GTF2F2: variants seen among roughly 807,000 people sequenced by gnomAD.
GTF2F2 encodes general transcription factor IIF subunit 2.
In GTF2F2, 23 loss-of-function variants were observed where a neutral mutation model predicts 42.2. That is an observed-to-expected ratio of 0.55 (90% CI 0.39 to 0.77). The LOEUF is 0.77. Ranked by LOEUF, GTF2F2 falls within the 30% of genes least tolerant of loss-of-function variation. GTF2F2 has a pLI of 0.00. For synonymous variants in GTF2F2, 105 were observed against 100.8 expected, an observed-to-expected ratio of 1.04 and a Z score of -0.25; for missense variants, 261 against 287.2, an observed-to-expected ratio of 0.91 and a Z score of 0.66.
chr13:45,126,402 C>T (rs189945577), intron 1 of GTF2F2, among the ~76,000 whole-genome samples: 45 of 152,150 alleles, frequency 3.0e-4, no homozygotes, highest in Admixed American at 2.4e-3. Context: ...CAGGCGTGCA[C>T]CACGACTCCT....
At chr13:45,124,636 C>T (rs556656369) in intron 1 of GTF2F2, among the ~76,000 whole-genome samples, 9 of 152,062 alleles carry the variant, frequency 5.9e-5, no homozygotes, top group East Asian at 1.9e-4. Flanking sequence ...ACAATCTCAG[C>T]GCACTGTAAC....
At chr13:45,229,701 A>G (rs185983150) in intron 5 of GTF2F2, among the ~76,000 whole-genome samples, 10 of 152,268 alleles carry the variant, frequency 6.6e-5, no homozygotes, top group African/African-American at 2.4e-4. Flanking sequence ...ACCTGGCCAG[A>G]AGAAAAAATG....
intron 2 of GTF2F2, among the ~76,000 whole-genome samples, chr13:45,139,823 G>A (rs928185438): frequency 2.6e-5 from 4 of 152,100 alleles, no homozygotes; most frequent in African/African-American, 9.7e-5. Context: ...TCTAAAGTTA[G>A]GTGGGGACAA....
chr13:45,168,906 T>TCCCTC (rs145117805), intron 4 of GTF2F2, among the ~76,000 whole-genome samples: 11,791 of 87,236 alleles, frequency 0.14, 2,102 homozygotes, highest in Non-Finnish European at 0.17. Context: ...CCTCCCTCCC[T>TCCCTC]CCTCCTTCCT....
chr13:45,176,082 T>C (rs1871864871), intron 4 of GTF2F2, among the ~76,000 whole-genome samples: 1 of 152,242 alleles, frequency 6.6e-6, no homozygotes, highest in Non-Finnish European at 1.5e-5. Flanking sequence ...CCAGAGTATT[T>C]GTTTACTGCA....
intron 4 of GTF2F2, among the ~76,000 whole-genome samples, chr13:45,161,277 A>T (rs1178426795): frequency 6.6e-6 from 1 of 152,206 alleles, no homozygotes; most frequent in Non-Finnish European, 1.5e-5. Flanking sequence ...AAAGGTAATT[A>T]AATATTTTAA....
In GTF2F2 at chr13:45,186,110, G is replaced by A. The variant is rs553864813; in HGVS notation, c.305-21314G>A. 1.1e-3 allele frequency among the ~76,000 whole-genome samples: 162 copies of A among 151,798 alleles called. 1 individual carries two copies. The highest frequency in any genetic ancestry group is 2.1e-3 in the Non-Finnish European group (144 of 67,942). Reference sequence around the variant, plus strand: ...GTGCCTCAGCCTCCCGAGTAGCTGGGATTACAGGCATGCGCCACCATGCCC... The same window carrying A: ...GTGCCTCAGCCTCCCGAGTAGCTGGAATTACAGGCATGCGCCACCATGCCC... On this transcript the variant is annotated intron_variant, in intron 4 of 7. Coordinates refer to ENST00000340473, the MANE Select transcript of GTF2F2 (RefSeq NM_004128.3).
chr13:45,128,389 A>G (rs1869158803), intron 1 of GTF2F2, among the ~76,000 whole-genome samples: 1 of 148,998 alleles, frequency 6.7e-6, no homozygotes, highest in South Asian at 2.2e-4. Context: ...CCTGACCAAT[A>G]TGGTGAAACC....
chr13:45,181,630 A>G (rs1872171794), intron 4 of GTF2F2, among the ~76,000 whole-genome samples: 1 of 152,116 alleles, frequency 6.6e-6, no homozygotes, highest in Admixed American at 6.5e-5. Context: ...TAACCTGTGG[A>G]TGAGTCAGTA....
chr13:45,211,839 GC>G lies in GTF2F2; in HGVS notation c.386+4336del, dbSNP rs748128969. Among the ~76,000 whole-genome samples, 217 of 152,124 alleles carry G rather than the reference GC, an allele frequency of 1.4e-3. 2 individuals are homozygous for G. The highest frequency in any genetic ancestry group is 9.6e-4 in the Non-Finnish European group (65 of 68,010). On this transcript the variant is annotated intron_variant, in intron 5 of 7. Transcript: ENST00000340473. Reference sequence around the variant, plus strand: ...GACCTCAGGTGATCCGCCCACCTCGGCCTCCCAAAGTGCTGGGATTACAGGC... The same window carrying G: ...GACCTCAGGTGATCCGCCCACCTCGGCTCCCAAAGTGCTGGGATTACAGGC...
chr13:45,136,904 T>G, intron 2 of GTF2F2, 98 bp downstream of exon 2: 1 of 729,654 alleles, frequency 1.4e-6, no homozygotes, highest in Non-Finnish European at 2.4e-6. Flanking sequence ...AGAGTTTACT[T>G]GGAAAATGAC....
intron 1 of GTF2F2, among the ~76,000 whole-genome samples, chr13:45,126,661 C>G (rs573268585): frequency 7.0e-6 from 1 of 143,270 alleles, no homozygotes; most frequent in Non-Finnish European, 1.5e-5. Context: ...GTGAACAAAA[C>G]GGACATGGTA....
chr13:45,278,788 T>C (rs1239592446), intron 7 of GTF2F2, among the ~76,000 whole-genome samples: 1 of 151,626 alleles, frequency 6.6e-6, no homozygotes, highest in Non-Finnish European at 1.5e-5. Context: ...TATTTTCTGA[T>C]TACCTGCCAA....
intron 2 of GTF2F2, among the ~76,000 whole-genome samples, chr13:45,143,347 A>G (rs1870026171): frequency 6.6e-6 from 1 of 152,236 alleles, no homozygotes; most frequent in Non-Finnish European, 1.5e-5. Context: ...CATACTGGTT[A>G]TGAGTATGGA....
At chr13:45,206,991 T>C (rs1873438444) in intron 4 of GTF2F2, 1 of 134,426 alleles carries the variant, frequency 7.4e-6, no homozygotes, top group Non-Finnish European at 1.6e-5. Context: ...TTGAGAATTT[T>C]ATTCACATAC....
intron 6 of GTF2F2, among the ~76,000 whole-genome samples, chr13:45,254,953 G>T (rs1876038312): frequency 1.3e-5 from 2 of 152,002 alleles, no homozygotes; most frequent in African/African-American, 2.4e-5. Flanking sequence ...GATCACCTGA[G>T]GTCAGGAGTT....
intron 4 of GTF2F2, among the ~76,000 whole-genome samples, chr13:45,168,697 C>T (rs1871422413): frequency 6.6e-6 from 1 of 152,106 alleles, no homozygotes; most frequent in Non-Finnish European, 1.5e-5. Flanking sequence ...ATGGCACCCC[C>T]TACCTCTGGG....
Position 45,186,099 on chromosome 13 carries a change from C to T in GTF2F2, c.305-21325C>T, listed in dbSNP as rs572575662. Among the ~76,000 whole-genome samples, 293 of 151,850 alleles carry T rather than the reference C, an allele frequency of 1.9e-3. 3 individuals carry two copies. The highest frequency in any genetic ancestry group is 2.8e-3 in the Non-Finnish European group (190 of 67,932). Reference sequence around the variant, plus strand: ...AAACGATTCTTGTGCCTCAGCCTCCCGAGTAGCTGGGATTACAGGCATGCG... The same window carrying T: ...AAACGATTCTTGTGCCTCAGCCTCCTGAGTAGCTGGGATTACAGGCATGCG... On this transcript the variant is annotated intron_variant, in intron 4 of 7. Coordinates refer to ENST00000340473, the MANE Select transcript of GTF2F2 (RefSeq NM_004128.3).
chr13:45,153,312 C>T (rs1350528114), intron 4 of GTF2F2, among the ~76,000 whole-genome samples: 1 of 152,054 alleles, frequency 6.6e-6, no homozygotes, highest in Non-Finnish European at 1.5e-5. Flanking sequence ...GCCACCGGGC[C>T]CGGCCGAATT....
Sources: allele counts gnomAD v4.1 joint callset (sites outside exome capture counted in the v4.1 genomes callset), GRCh38; gene constraint gnomAD v4.1.1; transcripts MANE v1.5; gene names NCBI Gene and HGNC (gene_info 2026-07-23, HGNC 2026-07-21).